The following XPR1 variants were observed in gnomAD, a reference collection of about 807,000 sequenced individuals.
The protein encoded by XPR1 is solute carrier family 53 member 1.
In XPR1, 28 loss-of-function variants were observed where a neutral mutation model predicts 87.5. The ratio of observed to expected loss-of-function variants is 0.32; its 90% confidence interval spans 0.24 to 0.44. The LOEUF is 0.44. Ranked by LOEUF, XPR1 falls within the 20% of genes least tolerant of loss-of-function variation. The probability of loss-of-function intolerance (pLI) is 1.00; values close to 1 mark genes in which losing one functional copy is unlikely to be tolerated. For synonymous variants in XPR1, 300 were observed against 306.1 expected (o/e 0.98, Z 0.21); for missense variants, 559 against 862.3 (o/e 0.65, Z 4.41).
At chr1:180,851,478 T>TC in intron 11 of XPR1, among the ~76,000 whole-genome samples, 1 of 152,242 alleles carries the variant, frequency 6.6e-6, no homozygotes, top group East Asian at 1.9e-4. Flanking sequence ...ATAAAATAAC[T>TC]CCAAGACCAG....
At chr1:180,741,817 T>G (rs1007171464) in intron 2 of XPR1, among the ~76,000 whole-genome samples, 22 of 152,170 alleles carry the variant, frequency 1.4e-4, no homozygotes, top group African/African-American at 4.8e-4. Flanking sequence ...ATGATTCAAT[T>G]TATTTAATAC....
intron 1 of XPR1, among the ~76,000 whole-genome samples, chr1:180,645,541 GT>G (rs1462142401): frequency 1.3e-5 from 2 of 152,168 alleles, no homozygotes; most frequent in Non-Finnish European, 2.9e-5. Context: ...CCCATTCTGT[GT>G]CACAGAAATA....
At chr1:180,660,222 T>C (rs1388686634) in intron 1 of XPR1, among the ~76,000 whole-genome samples, 5 of 152,278 alleles carry the variant, frequency 3.3e-5, no homozygotes, top group Non-Finnish European at 1.5e-5. Context: ...ATCTCCTTTT[T>C]TATCTCTGAT....
intron 7 of XPR1, among the ~76,000 whole-genome samples, chr1:180,813,042 C>CA (rs997473159): frequency 7.2e-6 from 1 of 138,082 alleles, no homozygotes; most frequent in Admixed American, 7.4e-5. Flanking sequence ...GTCTTTTTTC[C>CA]CCCCCCCCAA....
intron 14 of XPR1, among the ~76,000 whole-genome samples, chr1:180,882,019 A>G (rs1220696659): frequency 6.6e-6 from 1 of 152,226 alleles, no homozygotes; most frequent in Non-Finnish European, 1.5e-5. Context: ...TAAGTGCCAC[A>G]AAGGGCTGGA....
chr1:180,747,050 A>C (rs1287565728), intron 2 of XPR1, among the ~76,000 whole-genome samples: 2 of 152,222 alleles, frequency 1.3e-5, no homozygotes, highest in Non-Finnish European at 1.5e-5. Flanking sequence ...TCTTTTGTTC[A>C]TAATCATTAG....
At chr1:180,725,855 T>C (rs1658318669) in intron 2 of XPR1, among the ~76,000 whole-genome samples, 1 of 152,238 alleles carries the variant, frequency 6.6e-6, no homozygotes, top group Admixed American at 6.5e-5. Context: ...TATGTGCCCT[T>C]AAGCAAGTTT....
chr1:180,842,811 A>G (rs926250320), intron 11 of XPR1, among the ~76,000 whole-genome samples: 1 of 152,192 alleles, frequency 6.6e-6, no homozygotes, highest in Non-Finnish European at 1.5e-5. Context: ...ACATTCTAAA[A>G]TATTTGTAAA....
chr1:180,793,528 A>C (rs1368018096), intron 3 of XPR1, among the ~76,000 whole-genome samples: 1 of 151,994 alleles, frequency 6.6e-6, no homozygotes, highest in Non-Finnish European at 1.5e-5. Flanking sequence ...AGGTATTTTT[A>C]ATGAGAGTGG....
chr1:180,886,453 A>G lies in XPR1; in HGVS notation c.*2387A>G, dbSNP rs982943095. 6.6e-6 allele frequency: 1 copy of G among 152,222 alleles called. No homozygotes were observed. Among genetic ancestry groups the G allele is most frequent in the African/African-American group, 2.4e-5 (1 of 41,456 alleles). The allele number at this position is 152,222 out of a possible 1,614,324, so 9.4% of individuals were successfully genotyped here. On this transcript the variant is annotated 3_prime_UTR_variant, in exon 15 of 15. Coordinates refer to ENST00000367590, the MANE Select transcript of XPR1 (RefSeq NM_004736.4). ...GCTGTTTGAATTCCCCAGTGTTTTT[A>G]CATTAATGTATCCTATGGCCAGTTT...
At chr1:180,712,918 A>G (rs752015246) in intron 2 of XPR1, among the ~76,000 whole-genome samples, 1 of 146,610 alleles carries the variant, frequency 6.8e-6, no homozygotes, top group African/African-American at 2.5e-5. Context: ...ATCAATTAGC[A>G]TTGTTCTTAT....
At chr1:180,645,067 A>G (rs1203317373) in intron 1 of XPR1, among the ~76,000 whole-genome samples, 2 of 152,226 alleles carry the variant, frequency 1.3e-5, no homozygotes, top group Non-Finnish European at 2.9e-5. Flanking sequence ...TGATAATCTC[A>G]GGACATTCTG....
chr1:180,727,006 C>T (rs1658378625), intron 2 of XPR1, among the ~76,000 whole-genome samples: 1 of 151,866 alleles, frequency 6.6e-6, no homozygotes, highest in Non-Finnish European at 1.5e-5. Flanking sequence ...TCCCGAGTAG[C>T]TGGGACTACA....
chr1:180,728,352 T>A (rs1392697715), intron 2 of XPR1, among the ~76,000 whole-genome samples: 3 of 145,316 alleles, frequency 2.1e-5, no homozygotes, highest in African/African-American at 7.8e-5. Flanking sequence ...CTGTGGGCAG[T>A]GAGAGAGGAT....
intron 2 of XPR1, among the ~76,000 whole-genome samples, chr1:180,734,420 C>T (rs964588629): frequency 5.3e-5 from 8 of 152,096 alleles, no homozygotes; most frequent in African/African-American, 1.9e-4. Context: ...AGGAATTGGT[C>T]AACAGCAAAC....
intron 1 of XPR1, among the ~76,000 whole-genome samples, chr1:180,657,224 T>G (rs1655563635): frequency 6.6e-6 from 1 of 152,048 alleles, no homozygotes. Context: ...ATAGGAAATA[T>G]TTTTTCCCAT....
At chr1:180,829,419 C>A (rs2102158697) in intron 9 of XPR1, among the ~76,000 whole-genome samples, 1 of 152,224 alleles carries the variant, frequency 6.6e-6, no homozygotes, top group East Asian at 1.9e-4. Context: ...GAGTGAGTTA[C>A]AGAATTCTCT....
chr1:180,657,655 G>C (rs1240106221), intron 1 of XPR1, among the ~76,000 whole-genome samples: 1 of 152,102 alleles, frequency 6.6e-6, no homozygotes, highest in Non-Finnish European at 1.5e-5. Flanking sequence ...CTGTGTGTCT[G>C]TTTTTATGCT....
At chr1:180,651,968 G>A (rs74227330) in intron 1 of XPR1, among the ~76,000 whole-genome samples, 32,878 of 152,098 alleles carry the variant, frequency 0.22, 3,718 homozygotes, top group East Asian at 0.28. Flanking sequence ...AACATGTTTT[G>A]AACTGTACTG....
Sources: gnomAD v4.1 joint callset for allele counts (sites outside exome capture counted in the v4.1 genomes callset) on GRCh38, gnomAD v4.1.1 for gene constraint, MANE v1.5 for transcripts, NCBI Gene and HGNC (gene_info 2026-07-23, HGNC 2026-07-21) for gene names.